The following SORCS3 variants were observed in gnomAD, a reference collection of about 807,000 sequenced individuals.
The protein encoded by SORCS3 is sortilin related VPS10 domain containing receptor 3, also known as VPS10 domain-containing receptor SorCS3.
Under a neutral mutation model 146.3 loss-of-function variants are expected in SORCS3, and 57 were observed. That is an observed-to-expected ratio of 0.39 (90% CI 0.31 to 0.49). The LOEUF is 0.49. Among genes scored for constraint, SORCS3 ranks in the 20% least tolerant of loss-of-function variants. The probability of loss-of-function intolerance (pLI) is 0.92; values close to 1 mark genes in which losing one functional copy is unlikely to be tolerated. For missense variants in SORCS3, 1,341 were observed against 1,575.5 expected, an observed-to-expected ratio of 0.85 and a Z score of 2.52; for synonymous variants, 653 against 618.5, an observed-to-expected ratio of 1.06 and a Z score of -0.83.
chr10:104,729,849 GA>G (rs2016685972), intron 1 of SORCS3, among the ~76,000 whole-genome samples: 1 of 152,214 alleles, frequency 6.6e-6, no homozygotes, highest in Admixed American at 6.5e-5. Flanking sequence ...TGCTGTAGGG[GA>G]AAGCACATGA....
chr10:104,832,985 C>G (rs1224950611), intron 1 of SORCS3, among the ~76,000 whole-genome samples: 15 of 152,198 alleles, frequency 9.9e-5, no homozygotes, highest in Non-Finnish European at 2.2e-4. Flanking sequence ...CACAGCCTCA[C>G]ATGGGTGTCA....
At chr10:104,986,236 A>C (rs1208769646) in intron 4 of SORCS3, among the ~76,000 whole-genome samples, 2 of 152,234 alleles carry the variant, frequency 1.3e-5, no homozygotes, top group Non-Finnish European at 2.9e-5. Flanking sequence ...TATGTTATGG[A>C]GATGGCTTAT....
intron 3 of SORCS3, among the ~76,000 whole-genome samples, chr10:104,973,058 G>T (rs2054870566): frequency 1.3e-5 from 2 of 152,042 alleles, no homozygotes; most frequent in African/African-American, 2.4e-5. Flanking sequence ...CTTGATCATG[G>T]TGGATAAGCT....
At position 104,641,390 on chromosome 10, in the gene SORCS3, G is replaced by C; in HGVS notation, c.63G>C (p.Gly21=). 6.9e-7 allele frequency: 1 copy of C among 1,452,604 alleles called. No homozygotes were observed. The highest frequency in any genetic ancestry group is 9.0e-7 in the Non-Finnish European group (1 of 1,107,098). The allele number at this position is 1,452,604 out of a possible 1,614,324, so 90.0% of individuals were successfully genotyped here. The change falls in exon 1 of 27, where the codon GGG becomes GGC. Residue 21 remains glycine, a synonymous_variant. Coordinates refer to ENST00000369701, the MANE Select transcript of SORCS3 (RefSeq NM_014978.3). This position sits in a 1 kb window ranked among gnomAD's most constrained non-coding sequence, Gnocchi z 6.4. ...CGGGGGCGCCGCTTGTCCGGACGGG[G>C]CTCCTACTCTTGTCGACGTGGGTCC... The part of the protein sequence containing the change: ...GRPGAPLVRT[G]LLLLSTWVLA...
chr10:105,196,177 C>T (rs1430542390), intron 14 of SORCS3, among the ~76,000 whole-genome samples: 5 of 152,134 alleles, frequency 3.3e-5, no homozygotes, highest in South Asian at 2.1e-4. Flanking sequence ...CTTTGAGGCT[C>T]GGAGTCAATT....
chr10:104,907,701 C>G (rs1293441552), intron 2 of SORCS3, among the ~76,000 whole-genome samples: 1 of 152,220 alleles, frequency 6.6e-6, no homozygotes, highest in African/African-American at 2.4e-5. Context: ...TTGTGCCTCT[C>G]TTTGTGAGAC....
chr10:104,928,529 G>GT (rs112450978), intron 3 of SORCS3, among the ~76,000 whole-genome samples: 42,356 of 151,330 alleles, frequency 0.28, 7,695 homozygotes, highest in African/African-American at 0.53. Context: ...GAAATGACTC[G>GT]ATTTTTTTTT....
intron 1 of SORCS3, among the ~76,000 whole-genome samples, chr10:104,835,903 C>T (rs2451482): frequency 6.6e-6 from 1 of 152,144 alleles, no homozygotes; most frequent in Non-Finnish European, 1.5e-5. Flanking sequence ...AATCAGCAAC[C>T]CTGTGAGCGT....
At chr10:105,257,435 T>C (rs147581459) in intron 25 of SORCS3, among the ~76,000 whole-genome samples, 1 of 152,302 alleles carries the variant, frequency 6.6e-6, no homozygotes, top group Non-Finnish European at 1.5e-5. Context: ...CTTTTTCCTA[T>C]TCTAAAGAGA....
intron 20 of SORCS3, among the ~76,000 whole-genome samples, chr10:105,231,854 C>T (rs1405580514): frequency 6.6e-6 from 1 of 152,078 alleles, no homozygotes; most frequent in East Asian, 1.9e-4. Context: ...GATAAATTCT[C>T]ATAGTGGTTA....
chr10:105,041,116 G>A (rs918931407), intron 4 of SORCS3, among the ~76,000 whole-genome samples: 6 of 147,380 alleles, frequency 4.1e-5, no homozygotes, highest in African/African-American at 1.2e-4. Context: ...ATGGGTTCAA[G>A]ATCTTTTATT....
At chr10:104,794,659 G>A (rs5004408) in intron 1 of SORCS3, among the ~76,000 whole-genome samples, 107,477 of 146,350 alleles carry the variant, frequency 0.73, 39,792 homozygotes, top group East Asian at 0.91. Context: ...GAGAGAGAGA[G>A]AATATTATCC....
intron 4 of SORCS3, among the ~76,000 whole-genome samples, chr10:105,021,784 G>A (rs931335378): frequency 1.3e-5 from 2 of 152,102 alleles, no homozygotes; most frequent in Non-Finnish European, 2.9e-5. Context: ...GTTAAGAGAG[G>A]AGAAAGTTGA....
At chr10:104,780,874 T>G (rs1011081557) in intron 1 of SORCS3, among the ~76,000 whole-genome samples, 5 of 152,238 alleles carry the variant, frequency 3.3e-5, no homozygotes, top group African/African-American at 9.6e-5. Flanking sequence ...TTTACCATCT[T>G]CTTAGGGAAA....
intron 4 of SORCS3, among the ~76,000 whole-genome samples, chr10:104,995,310 C>G (rs2055019477): frequency 6.6e-6 from 1 of 151,974 alleles, no homozygotes; most frequent in South Asian, 2.1e-4. Context: ...CAGGTGCACG[C>G]CACCATGACC....
intron 5 of SORCS3, among the ~76,000 whole-genome samples, chr10:105,079,223 C>A (rs999168899): frequency 3.3e-5 from 5 of 152,192 alleles, no homozygotes; most frequent in Non-Finnish European, 7.3e-5. Context: ...CAATCAGAAT[C>A]AGAATGAGAG....
chr10:104,678,198 G>A (rs922601567), intron 1 of SORCS3, among the ~76,000 whole-genome samples: 8 of 132,740 alleles, frequency 6.0e-5, no homozygotes, highest in African/African-American at 2.2e-4. Flanking sequence ...ACATCTTTAG[G>A]CTTTAGTAAT....
At chr10:104,983,594 C>T (rs892742273) in intron 4 of SORCS3, among the ~76,000 whole-genome samples, 3 of 152,118 alleles carry the variant, frequency 2.0e-5, no homozygotes, top group South Asian at 2.1e-4. Flanking sequence ...CTCAGGTTTC[C>T]CTGTGTACTT....
chr10:105,242,466 AT>A (rs1431191239), intron 20 of SORCS3, among the ~76,000 whole-genome samples: 28 of 83,624 alleles, frequency 3.3e-4, no homozygotes, highest in African/African-American at 1.3e-3. Flanking sequence ...ATATTTATAT[AT>A]TTATATATTT....
Sources: allele counts gnomAD v4.1 joint callset (sites outside exome capture counted in the v4.1 genomes callset), GRCh38; gene constraint gnomAD v4.1.1; non-coding constraint Gnocchi (gnomAD v3.1); transcripts MANE v1.5; gene names NCBI Gene and HGNC (gene_info 2026-07-23, HGNC 2026-07-21).